Variants in EML6 observed in about 807,000 individuals in gnomAD.
The protein encoded by EML6 is EMAP like 6, also known as echinoderm microtubule-associated protein-like 6.
In EML6, 154 loss-of-function variants were observed where a neutral mutation model predicts 240.1. The observed-to-expected ratio is 0.64, with a 90% confidence interval of 0.56 to 0.73. EML6 has a LOEUF of 0.73. Among genes scored for constraint, EML6 ranks in the 30% least tolerant of loss-of-function variants. The pLI is 0.00. For missense variants in EML6, 2,964 were observed against 2,474.6 expected, an observed-to-expected ratio of 1.20 and a Z score of -4.20; for synonymous variants, 1,148 against 899.0, an observed-to-expected ratio of 1.28 and a Z score of -4.95.
At chr2:54,837,385 G>A (rs934063528) in intron 7 of EML6, among the ~76,000 whole-genome samples, 8 of 152,092 alleles carry the variant, frequency 5.3e-5, no homozygotes, top group Non-Finnish European at 8.8e-5. Context: ...GGTTCAGCAC[G>A]TATTTACTAG....
chr2:54,861,654 A>G (rs539681686), intron 12 of EML6, among the ~76,000 whole-genome samples: 3 of 152,172 alleles, frequency 2.0e-5, no homozygotes, highest in African/African-American at 7.2e-5. Context: ...ACCAAAACAG[A>G]CAATAGTCTG....
At chr2:54,917,765 C>T (rs987912276) in intron 26 of EML6, among the ~76,000 whole-genome samples, 16 of 152,220 alleles carry the variant, frequency 1.1e-4, no homozygotes, top group African/African-American at 3.4e-4. Flanking sequence ...TCCCCGAAGT[C>T]TCATTTTTTT....
chr2:54,925,493 C>T (rs183281252), intron 26 of EML6, among the ~76,000 whole-genome samples: 61 of 152,272 alleles, frequency 4.0e-4, no homozygotes, highest in Non-Finnish European at 7.5e-4. Flanking sequence ...ATTCAAGTTC[C>T]GTTTGTTGGC....
In EML6 at chr2:54,891,171, T is replaced by G. The variant is rs1672447068; in HGVS notation, c.2539+17T>G. The G allele has an allele frequency of 2.3e-6, 3 of 1,297,756 alleles. No homozygotes were observed. Among genetic ancestry groups the G allele is most frequent in the African/African-American group, 1.5e-5 (1 of 68,896 alleles). 80.4% of individuals were successfully genotyped at this position (1,297,756 alleles called of 1,614,324 possible). A position where few individuals can be genotyped will look rare whatever the true frequency, so the allele number is the denominator to read the frequency against. ...AACAAGCAGGTACTGTCGTTTGGGT[T>G]TATCATTTATGTGATTGAGAGCTTT... On this transcript the variant is annotated intron_variant, in intron 18 of 41. Transcript: ENST00000356458.
Position 54,829,522 on chromosome 2 carries a change from T to C in EML6, c.847+45T>C, listed in dbSNP as rs373294537. The stretch of plus-strand genomic sequence containing the variant: ...TACCTGTAACTCTGGATGTGAAATA[T>C]AATGTGAAGTTCTGTATTCATATTT... On this transcript the variant is annotated intron_variant, in intron 7 of 41. Transcript: ENST00000356458. The C allele has an allele frequency of 2.1e-5, 30 of 1,461,674 alleles. No individual in the cohort carries two copies. The South Asian group carries it at 2.1e-4, about 10-fold the overall frequency. 90.5% of individuals were successfully genotyped at this position (1,461,674 alleles called of 1,614,324 possible). A position where few individuals can be genotyped will look rare whatever the true frequency, so the allele number is the denominator to read the frequency against.
At chr2:54,868,985 C>T in intron 14 of EML6, 196 bp from the exon 15 acceptor site, 1 of 508,554 alleles carries the variant, frequency 2.0e-6, no homozygotes, top group Non-Finnish European at 3.5e-6. Flanking sequence ...TGTTCAGTGC[C>T]CATGTGCCTT....
chr2:54,866,918 CCT>C (rs531152788), intron 14 of EML6, 34 bp downstream of exon 14: 3 of 1,294,246 alleles, frequency 2.3e-6, no homozygotes, highest in Non-Finnish European at 3.3e-6. Flanking sequence ...CGTATGTGTT[CCT>C]CTGTCTCTGC....
rs1558521088 is a variant in EML6 at position 54,744,957 on chromosome 2, CACA to C, written c.197+19700_197+19702del. On this transcript the variant is annotated intron_variant, in intron 2 of 41. Coordinates refer to ENST00000356458, the MANE Select transcript of EML6 (RefSeq NM_001039753.4). ...ACACACACACACACACACACACACA[CACA>C]CACCCTGCCATGCAGGCCTTCCCAG... is the stretch of plus-strand genomic sequence containing the variant. Among the ~76,000 whole-genome samples, 119 of 98,488 alleles carry C rather than the reference CACA, an allele frequency of 1.2e-3. 2 individuals are homozygous for C. The highest frequency in any genetic ancestry group is 0.011 in the Admixed American group (114 of 10,088). The allele number at this position is 98,488 out of a possible 152,430, so 64.6% of individuals were successfully genotyped here. A position where few individuals can be genotyped will look rare whatever the true frequency, so the allele number is the denominator to read the frequency against.
chr2:54,821,001 G>C (rs1166551568), intron 5 of EML6, among the ~76,000 whole-genome samples: 1 of 152,006 alleles, frequency 6.6e-6, no homozygotes, highest in Non-Finnish European at 1.5e-5. Context: ...TTACTATTTT[G>C]TTCACAAGTA....
intron 2 of EML6, among the ~76,000 whole-genome samples, chr2:54,783,158 A>T (rs1057281172): frequency 6.6e-5 from 10 of 152,252 alleles, no homozygotes; most frequent in African/African-American, 2.4e-4. Flanking sequence ...CATCCTACAT[A>T]GAAAATGCTT....
At chr2:54,883,021 C>T (rs1451657837) in intron 17 of EML6, 4 of 151,640 alleles carry the variant, frequency 2.6e-5, no homozygotes, top group Non-Finnish European at 4.4e-5. Flanking sequence ...CTCCCGCATA[C>T]CATATGGGCC....
chr2:54,898,777 C>A (rs10189076), intron 21 of EML6, among the ~76,000 whole-genome samples: 131,455 of 152,260 alleles, frequency 0.86, 56,945 homozygotes, highest in Non-Finnish European at 0.89. Flanking sequence ...ATTAAAAAGC[C>A]AAAATTCAGT....
At chr2:54,894,644 C>A (rs1294390937) in intron 19 of EML6, among the ~76,000 whole-genome samples, 3 of 152,178 alleles carry the variant, frequency 2.0e-5, no homozygotes, top group Non-Finnish European at 4.4e-5. Flanking sequence ...GCAGAGCCAT[C>A]CTTGATCAGT....
chr2:54,741,714 C>T (rs1357155751), intron 2 of EML6, among the ~76,000 whole-genome samples: 2 of 152,112 alleles, frequency 1.3e-5, no homozygotes, highest in Non-Finnish European at 2.9e-5. Flanking sequence ...GACATGAGAG[C>T]CAGCTTGAAG....
intron 2 of EML6, among the ~76,000 whole-genome samples, chr2:54,790,722 T>G (rs1173631224): frequency 7.3e-6 from 1 of 137,316 alleles, no homozygotes; most frequent in Admixed American, 7.9e-5. Context: ...AACTTAATTT[T>G]CCTTTTTTTT....
chr2:54,862,180 A>G (rs1670708365), intron 12 of EML6, among the ~76,000 whole-genome samples: 1 of 151,820 alleles, frequency 6.6e-6, no homozygotes, highest in South Asian at 2.1e-4. Flanking sequence ...CTCTACTAAA[A>G]ATACAAAAAT....
chr2:54,909,995 A>T (rs916842101), intron 24 of EML6, among the ~76,000 whole-genome samples: 3 of 152,130 alleles, frequency 2.0e-5, no homozygotes, highest in African/African-American at 7.2e-5. Context: ...AAACTACTAG[A>T]TATACATAGT....
At chr2:54,801,185 T>C (rs1670120775) in intron 2 of EML6, among the ~76,000 whole-genome samples, 1 of 151,408 alleles carries the variant, frequency 6.6e-6, no homozygotes, top group Non-Finnish European at 1.5e-5. Context: ...CCGGGCATGG[T>C]GGTGGGCGCC....
intron 2 of EML6, among the ~76,000 whole-genome samples, chr2:54,788,586 G>T (rs1411216142): frequency 6.6e-6 from 1 of 152,228 alleles, no homozygotes; most frequent in African/African-American, 2.4e-5. Context: ...GACCAAGTTA[G>T]AGGAAAATTG....
Sources: gnomAD v4.1 joint callset for allele counts (sites outside exome capture counted in the v4.1 genomes callset) on GRCh38, gnomAD v4.1.1 for gene constraint, MANE v1.5 for transcripts, NCBI Gene and HGNC (gene_info 2026-07-23, HGNC 2026-07-21) for gene names.